MTMR8: variants seen among roughly 807,000 people sequenced by gnomAD.
The protein encoded by MTMR8 is myotubularin related protein 8, also known as phosphatidylinositol-3,5-bisphosphate 3-phosphatase MTMR8.
A neutral mutation model predicts 39.3 loss-of-function variants in MTMR8; 65 were observed. The observed-to-expected ratio is 1.65, with a 90% CI of 1.35 to 2.03. The LOEUF (loss-of-function observed/expected upper bound fraction) is 2.03, where lower values mean the gene tolerates loss of function less well. Ranked by LOEUF, MTMR8 falls within the 30% of genes most tolerant of loss-of-function variation. MTMR8 has a pLI of 0.00. For missense variants in MTMR8, 777 were observed against 538.9 expected, an observed-to-expected ratio of 1.44 and a Z score of -4.37; for synonymous variants, 245 against 185.2, an observed-to-expected ratio of 1.32 and a Z score of -2.62.
intron 12 of MTMR8, among the ~76,000 whole-genome samples, chrX:64,275,529 G>A (rs959924956): frequency 1.1e-4 from 12 of 107,545 alleles, no homozygotes; most frequent in Non-Finnish European, 2.1e-4. Flanking sequence ...GGCCCCCATC[G>A]CTAAAAAAAC....
intron 12 of MTMR8, among the ~76,000 whole-genome samples, chrX:64,288,887 A>T (rs1921300331): frequency 9.1e-6 from 1 of 109,868 alleles, no homozygotes; most frequent in African/African-American, 3.3e-5. Context: ...GGCAGGTGGG[A>T]GGGATAGCAT....
At chrX:64,319,667 T>C (rs929722327) in intron 12 of MTMR8, among the ~76,000 whole-genome samples, 1 of 111,886 alleles carries the variant, frequency 8.9e-6, no homozygotes, top group Non-Finnish European at 1.9e-5. Flanking sequence ...GGGAATCCTT[T>C]CCCCATTGCT....
chrX:64,301,593 C>T (rs1378226241), intron 12 of MTMR8, among the ~76,000 whole-genome samples: 1 of 112,275 alleles, frequency 8.9e-6, no homozygotes, highest in Non-Finnish European at 1.9e-5. Context: ...AGTCATTCTC[C>T]ATCCAGCTTT....
intron 1 of MTMR8, among the ~76,000 whole-genome samples, chrX:64,370,295 G>A (rs1293814133): frequency 1.8e-5 from 2 of 110,313 alleles, no homozygotes; most frequent in Admixed American, 1.9e-4. Context: ...GTGAATGAGT[G>A]GTTCAGAACC....
rs984303844 is a variant in MTMR8 at position 64,311,865 on chromosome X, A to G, written c.1481+16907T>C. Among the ~76,000 whole-genome samples the G allele has an allele frequency of 2.9e-5, 3 of 104,157 alleles. No individual in the cohort carries two copies. The Admixed American group carries it at 3.2e-4, about 11-fold the overall frequency. 90.4% of individuals were successfully genotyped at this position (104,157 alleles called of 115,157 possible). ...TCAGTTCGGTTCCATTGGTTTATATATCTGCTTTGGTACCAGCACGATGCT... is the reference window on the plus strand; with the variant it reads ...TCAGTTCGGTTCCATTGGTTTATATGTCTGCTTTGGTACCAGCACGATGCT... On this transcript the variant is annotated intron_variant, in intron 12 of 13. Coordinates refer to ENST00000374852, the MANE Select transcript of MTMR8 (RefSeq NM_017677.4).
chrX:64,312,964 CT>C (rs1238732671), intron 12 of MTMR8, among the ~76,000 whole-genome samples: 1 of 112,111 alleles, frequency 8.9e-6, no homozygotes. Flanking sequence ...ATCATCTAGG[CT>C]TTTTTGTTCT....
chrX:64,336,904 G>T (rs751748969), intron 9 of MTMR8, among the ~76,000 whole-genome samples: 1 of 112,327 alleles, frequency 8.9e-6, no homozygotes, highest in Non-Finnish European at 1.9e-5. Context: ...TTTAGATTCA[G>T]CATTAGAAAA....
intron 1 of MTMR8, among the ~76,000 whole-genome samples, chrX:64,389,952 C>A (rs888413028): frequency 8.9e-6 from 1 of 111,922 alleles, no homozygotes; most frequent in Non-Finnish European, 1.9e-5. Flanking sequence ...GTGAAGCCAA[C>A]TGGAGTTGCA....
chrX:64,303,899 C>T (rs1244996075), intron 12 of MTMR8, among the ~76,000 whole-genome samples: 1 of 112,247 alleles, frequency 8.9e-6, no homozygotes, highest in Non-Finnish European at 1.9e-5. Flanking sequence ...ATGCAAAGAT[C>T]TTTATGTTCT....
chrX:64,320,622 C>G (rs932249711), intron 12 of MTMR8, among the ~76,000 whole-genome samples: 1 of 108,962 alleles, frequency 9.2e-6, no homozygotes, highest in African/African-American at 3.4e-5. Flanking sequence ...GAGCAAGCAG[C>G]AGACAGAATA....
At chrX:64,289,003 A>G (rs868137983) in intron 12 of MTMR8, among the ~76,000 whole-genome samples, 24 of 110,023 alleles carry the variant, frequency 2.2e-4, no homozygotes, top group African/African-American at 7.6e-4. Flanking sequence ...TGTACCCTAG[A>G]ATTTAAAGTA....
rs759579207 is a variant in MTMR8 at position 64,305,876 on chromosome X, G to A, written c.1481+22896C>T. 5 of 262,496 alleles carry A rather than the reference G, an allele frequency of 1.9e-5. No individual in the cohort carries two copies. The East Asian group carries it at 4.1e-4, about 22-fold the overall frequency. 21.6% of individuals were successfully genotyped at this position (262,496 alleles called of 1,213,427 possible). A position where few individuals can be genotyped will look rare whatever the true frequency, so the allele number is the denominator to read the frequency against. On this transcript the variant is annotated intron_variant, in intron 12 of 13. Coordinates refer to ENST00000374852, the MANE Select transcript of MTMR8 (RefSeq NM_017677.4). ...CACACTTGGAATGCTAGCACTTTGG[G>A]AGGCTGAGGCAGGAGGATTCTTGAG...
At position 64,301,500 on chromosome X, in the gene MTMR8, A is replaced by G. The variant is rs1170443977; in HGVS notation, c.1481+27272T>C. ...CTTCTAAATTTTTTTCAAAGTTTTTAACTTCTTTGCCTTTGGTTTGAATGT... is the reference window on the plus strand; with the variant it reads ...CTTCTAAATTTTTTTCAAAGTTTTTGACTTCTTTGCCTTTGGTTTGAATGT... On this transcript the variant is annotated intron_variant, in intron 12 of 13. Coordinates refer to ENST00000374852, the MANE Select transcript of MTMR8 (RefSeq NM_017677.4). Among the ~76,000 whole-genome samples, 4 of 108,779 alleles carry G rather than the reference A, an allele frequency of 3.7e-5. No individual in the cohort carries two copies. The East Asian group carries it at 1.2e-3, about 32-fold the overall frequency. 94.5% of individuals were successfully genotyped at this position (108,779 alleles called of 115,157 possible).
At chrX:64,382,944 C>T (rs1254768571) in intron 1 of MTMR8, among the ~76,000 whole-genome samples, 1 of 110,817 alleles carries the variant, frequency 9.0e-6, no homozygotes, top group Non-Finnish European at 1.9e-5. Context: ...AGTATGCAGC[C>T]AAGGATGAGA....
chrX:64,337,178 T>C lies in MTMR8; in HGVS notation c.1101+90A>G, dbSNP rs747763245. On this transcript the variant is annotated intron_variant, in intron 9 of 13. Transcript: ENST00000374852. ...ATTTTTGTAGACTTAGAGCTAACTC[T>C]GGCAAAAAAAATATTGTTTGACAGT... The C allele has an allele frequency of 1.4e-5, 15 of 1,039,126 alleles. No individual in the cohort carries two copies. In the Admixed American group the frequency reaches 4.4e-4, roughly 31 times the overall value. The allele number at this position is 1,039,126 out of a possible 1,213,427, so 85.6% of individuals were successfully genotyped here.
intron 3 of MTMR8, 75 bp from the exon 4 acceptor site, chrX:64,355,009 G>T: frequency 1.1e-6 from 1 of 906,724 alleles, no homozygotes. Flanking sequence ...GCAAATAAAG[G>T]CTAGATTTCC....
chrX:64,362,652 AG>A (rs1176389971), intron 1 of MTMR8, among the ~76,000 whole-genome samples: 1 of 110,040 alleles, frequency 9.1e-6, no homozygotes, highest in Non-Finnish European at 1.9e-5. Context: ...TAGTACATGC[AG>A]TAAGCTAAGG....
chrX:64,348,599 T>A, intron 6 of MTMR8, 61 bp downstream of exon 6: 5 of 1,171,137 alleles, frequency 4.3e-6, no homozygotes, highest in Non-Finnish European at 5.8e-6. Context: ...CATGTCTCAA[T>A]ATATGAGGAG....
rs1471115809 is a variant in MTMR8 at position 64,331,740 on chromosome X, C to G, written c.1169G>C (p.Gly390Ala). The G allele has an allele frequency of 8.3e-7, 1 of 1,206,112 alleles. No individual in the cohort carries two copies. Among genetic ancestry groups the G allele is most frequent in the East Asian group, 3.0e-5 (1 of 33,700 alleles). The part of the protein sequence containing the change: ...KFSQRCGHLD[G>A]DSKEVSPIFT... Reference sequence around the variant, plus strand: ...GATAGGGGACACTTCTTTAGAGTCCCCATCGAGGTGGCCACACCTGAGAGA... The same window carrying G: ...GATAGGGGACACTTCTTTAGAGTCCGCATCGAGGTGGCCACACCTGAGAGA... The change falls in exon 11 of 14, where the codon GGG becomes GCG. Residue 390 changes from glycine to alanine, a missense_variant. By Grantham distance (60) the Gly-to-Ala change is moderately conservative. Transcript: ENST00000374852.
Sources: allele counts gnomAD v4.1 joint callset (sites outside exome capture counted in the v4.1 genomes callset), GRCh38; gene constraint gnomAD v4.1.1; transcripts MANE v1.5; gene names NCBI Gene and HGNC (gene_info 2026-07-23, HGNC 2026-07-21).